Variants in CENPH observed in about 807,000 individuals in gnomAD.
The protein encoded by CENPH is CENP-H.
In CENPH, 40 loss-of-function variants were observed where a neutral mutation model predicts 42.9. The observed-to-expected ratio is 0.93, with a 90% CI of 0.72 to 1.21. The LOEUF (loss-of-function observed/expected upper bound fraction) is 1.21, where lower values mean the gene tolerates loss of function less well. CENPH is among the 50% of genes most tolerant of loss of function. The probability of loss-of-function intolerance (pLI) is 0.00; values close to 1 mark genes in which losing one functional copy is unlikely to be tolerated. For missense variants in CENPH, 302 were observed against 292.9 expected, an observed-to-expected ratio of 1.03 and a Z score of -0.23; for synonymous variants, 88 against 96.5, an observed-to-expected ratio of 0.91 and a Z score of 0.52.
chr5:69,189,807 C>T (rs1231900897), intron 1 of CENPH, 39 bp downstream of exon 1: 2 of 1,415,732 alleles, frequency 1.4e-6, no homozygotes, highest in Non-Finnish European at 1.8e-6. Context: ...GCCAAGTGGG[C>T]GTTGTGGCCC....
At chr5:69,194,283 C>T (rs1025873409) in intron 2 of CENPH, among the ~76,000 whole-genome samples, 11 of 151,880 alleles carry the variant, frequency 7.2e-5, no homozygotes, top group African/African-American at 2.2e-4. Context: ...CTCAGCCTCC[C>T]GAGTAGCTGG....
Position 69,208,197 on chromosome 5 carries a change from A to G in CENPH, c.489A>G (p.Gln163=). ...KLLDIRKKRL[Q]LKQASESKLL... Reference sequence around the variant, plus strand: ...ATTATTTTATTTTTAACCTAACAGAATTAAAACAAGCTTCAGAAAGTAAGC... The same window carrying G: ...ATTATTTTATTTTTAACCTAACAGAGTTAAAACAAGCTTCAGAAAGTAAGC... The change falls in exon 8 of 9, where the codon CAA becomes CAG. Residue 163 remains glutamine, a splice_region_variant and synonymous_variant. Transcript: ENST00000283006. 1.3e-6 allele frequency: 2 copies of G among 1,508,482 alleles called. No individual in the cohort carries two copies. Among genetic ancestry groups the G allele is most frequent in the Non-Finnish European group, 1.8e-6 (2 of 1,092,702 alleles). 93.4% of individuals were successfully genotyped at this position (1,508,482 alleles called of 1,614,324 possible). A position where few individuals can be genotyped will look rare whatever the true frequency, so the allele number is the denominator to read the frequency against.
At chr5:69,208,697 T>C (rs1217526638) in intron 8 of CENPH, among the ~76,000 whole-genome samples, 2 of 152,240 alleles carry the variant, frequency 1.3e-5, no homozygotes, top group African/African-American at 4.8e-5. Context: ...TTGACTTAAC[T>C]TTCAGCTAGT....
At chr5:69,193,638 A>T (rs1473583299) in intron 2 of CENPH, among the ~76,000 whole-genome samples, 1 of 151,542 alleles carries the variant, frequency 6.6e-6, no homozygotes, top group Non-Finnish European at 1.5e-5. Flanking sequence ...AAAGATACAG[A>T]ACATTTTCTT....
chr5:69,195,835 A>C, intron 4 of CENPH, 44 bp downstream of exon 4: 1 of 931,296 alleles, frequency 1.1e-6, no homozygotes, highest in Non-Finnish European at 1.7e-6. Context: ...ACTGACTGCA[A>C]AATGGGTATG....
At chr5:69,203,103 A>G (rs1054745249) in intron 7 of CENPH, 133 bp downstream of exon 7, 14 of 666,490 alleles carry the variant, frequency 2.1e-5, no homozygotes, top group African/African-American at 1.9e-4. Context: ...TGACATGGCA[A>G]CTTAAAAAGT....
At chr5:69,191,085 C>A (rs1174985456) in intron 1 of CENPH, among the ~76,000 whole-genome samples, 2 of 152,072 alleles carry the variant, frequency 1.3e-5, no homozygotes, top group Non-Finnish European at 2.9e-5. Flanking sequence ...AATTAGTAAT[C>A]CAAGGATTAG....
chr5:69,202,581 C>T lies in CENPH; in HGVS notation c.435+12C>T, dbSNP rs765620856. ...TGAAATCACAGCAGGTAAACTTACA[C>T]ATTAGGCTGATTATGCATTCTCATG... On this transcript the variant is annotated intron_variant, in intron 6 of 8. Transcript: ENST00000283006. 26 of 1,449,990 alleles carry T rather than the reference C, an allele frequency of 1.8e-5. No individual in the cohort carries two copies. In the South Asian group the frequency reaches 2.6e-4, roughly 15 times the overall value. The allele number at this position is 1,449,990 out of a possible 1,614,324, so 89.8% of individuals were successfully genotyped here. A position where few individuals can be genotyped will look rare whatever the true frequency, so the allele number is the denominator to read the frequency against.
rs997821731 is a variant in CENPH, at chr5:69,193,208, T to C, written c.190+1358T>C. Among the ~76,000 whole-genome samples the C allele has an allele frequency of 6.6e-5, 10 of 152,022 alleles. No individual in the cohort carries two copies. In the East Asian group the frequency reaches 1.7e-3, roughly 26 times the overall value. ...GTGTATATATGTATATATATGTATA[T>C]GTATATATATGTGACTGAGACTTTA... On this transcript the variant is annotated intron_variant, in intron 2 of 8. Transcript: ENST00000283006.
At chr5:69,206,770 A>G (rs1748166908) in intron 7 of CENPH, among the ~76,000 whole-genome samples, 1 of 152,210 alleles carries the variant, frequency 6.6e-6, no homozygotes, top group South Asian at 2.1e-4. Context: ...TGCTGATAAC[A>G]GGCATGAGTC....
intron 3 of CENPH, 103 bp from the exon 4 acceptor site, chr5:69,195,614 G>T: frequency 1.5e-6 from 1 of 667,250 alleles, no homozygotes; most frequent in South Asian, 1.7e-5. Flanking sequence ...CTTGTATTTA[G>T]ATAGAGGTGT....
chr5:69,189,626 CA>C lies in CENPH; in HGVS notation c.-7del, dbSNP rs1180686230. 6.3e-7 allele frequency: 1 copy of C among 1,595,984 alleles called. No individual in the cohort carries two copies. The highest frequency in any genetic ancestry group is 1.7e-5 in the Admixed American group (1 of 58,400). On this transcript the variant is annotated 5_prime_UTR_variant, in exon 1 of 9. Coordinates refer to ENST00000283006, the MANE Select transcript of CENPH (RefSeq NM_022909.4). ...CCTGTTGAGTGGTAGCCTTTCCCCT[CA>C]ACCAGCAATGGAGGAGCAGCCCCAG...
chr5:69,191,749 T>G (rs1747875262), intron 1 of CENPH, 46 bp from the exon 2 acceptor site: 1 of 1,184,360 alleles, frequency 8.4e-7, no homozygotes, highest in African/African-American at 1.5e-5. Flanking sequence ...GAGTAAAACC[T>G]TAATCAATAA....
intron 2 of CENPH, among the ~76,000 whole-genome samples, chr5:69,193,394 G>A (rs1580223390): frequency 9.1e-6 from 1 of 109,676 alleles, no homozygotes; most frequent in African/African-American, 3.8e-5. Context: ...AGCACTTTGA[G>A]GGGCCAAGGC....
chr5:69,203,869 A>T (rs1012396376), intron 7 of CENPH, among the ~76,000 whole-genome samples: 1 of 150,876 alleles, frequency 6.6e-6, no homozygotes, highest in African/African-American at 2.4e-5. Context: ...AAAAGGATGT[A>T]GTAAATTATA....
rs767679889 is a variant in CENPH, at chr5:69,195,770, TA to T, written c.299del (p.Lys100SerfsTer4). 4 of 1,545,850 alleles carry T rather than the reference TA, an allele frequency of 2.6e-6. No individual in the cohort carries two copies. Among genetic ancestry groups the T allele is most frequent in the Non-Finnish European group, 3.5e-6 (4 of 1,136,616 alleles). On this transcript the variant is annotated frameshift_variant, in exon 4 of 9. Coordinates refer to ENST00000283006, the MANE Select transcript of CENPH (RefSeq NM_022909.4). LOFTEE classifies it high-confidence loss of function. The stretch of plus-strand genomic sequence containing the variant: ...GAAGAGGTAAAAGTTGCTTTTGAGA[TA>T]AAAAAGCTTGCATTAGACAGGTAAT... ...EIEEVKVAFE[I>X]KKLALDRMRL...
At chr5:69,190,288 A>T (rs1318328080) in intron 1 of CENPH, among the ~76,000 whole-genome samples, 8 of 152,216 alleles carry the variant, frequency 5.3e-5, no homozygotes, top group Admixed American at 5.2e-4. Flanking sequence ...TCCTGGGCCA[A>T]ATCTGCCTAA....
chr5:69,202,917 A>T lies in CENPH; in HGVS notation c.436-2A>T. On this transcript the variant is annotated splice_acceptor_variant, in intron 6 of 8. Coordinates refer to ENST00000283006, the MANE Select transcript of CENPH (RefSeq NM_022909.4). LOFTEE classifies it high-confidence loss of function. Reference sequence around the variant, plus strand: ...CTTTAACTTTTTTATTTTTAATAACAGGAATCTTGGGATTTAGAGGAAAAA... The same window carrying T: ...CTTTAACTTTTTTATTTTTAATAACTGGAATCTTGGGATTTAGAGGAAAAA... 6.4e-7 allele frequency: 1 copy of T among 1,551,214 alleles called. No individual in the cohort carries two copies. The highest frequency in any genetic ancestry group is 1.1e-5 in the South Asian group (1 of 87,298).
At chr5:69,200,441 T>C (rs1222630313) in intron 5 of CENPH, among the ~76,000 whole-genome samples, 1 of 152,204 alleles carries the variant, frequency 6.6e-6, no homozygotes. Flanking sequence ...GTAGAGCACT[T>C]AACAGCTTAT....
Sources: allele counts gnomAD v4.1 joint callset (sites outside exome capture counted in the v4.1 genomes callset), GRCh38; gene constraint gnomAD v4.1.1; transcripts MANE v1.5; gene names NCBI Gene and HGNC (gene_info 2026-07-23, HGNC 2026-07-21).